The following GPC6 variants were observed in gnomAD, a reference collection of about 807,000 sequenced individuals.
GPC6 encodes glypican-6.
In GPC6, 14 loss-of-function variants were observed where a neutral mutation model predicts 55.2. The ratio of observed to expected loss-of-function variants is 0.25; its 90% CI spans 0.17 to 0.40. The LOEUF (loss-of-function observed/expected upper bound fraction) is 0.40. Among genes scored for constraint, GPC6 ranks in the 10% least tolerant of loss-of-function variants. GPC6 has a pLI of 1.00. For missense variants in GPC6, 641 were observed against 708.5 expected, an observed-to-expected ratio of 0.90 and a Z score of 1.08; for synonymous variants, 278 against 259.6, an observed-to-expected ratio of 1.07 and a Z score of -0.68.
At chr13:93,267,509 G>T (rs1367887159) in intron 1 of GPC6, among the ~76,000 whole-genome samples, 1 of 151,906 alleles carries the variant, frequency 6.6e-6, no homozygotes, top group Non-Finnish European at 1.5e-5. Flanking sequence ...CACTTTGCAT[G>T]CTAGAAGCTT....
chr13:93,774,450 T>C (rs1885398628), intron 2 of GPC6, among the ~76,000 whole-genome samples: 1 of 152,210 alleles, frequency 6.6e-6, no homozygotes, highest in African/African-American at 2.4e-5. Flanking sequence ...TAAGTTATGC[T>C]AATATTATGC....
At chr13:93,523,195 A>G (rs1166181523) in intron 1 of GPC6, among the ~76,000 whole-genome samples, 1 of 144,996 alleles carries the variant, frequency 6.9e-6, no homozygotes, top group Non-Finnish European at 1.5e-5. Flanking sequence ...ACATATATGG[A>G]TAATATTGTG....
intron 1 of GPC6, among the ~76,000 whole-genome samples, chr13:93,369,213 T>C (rs1881366565): frequency 6.6e-6 from 1 of 152,044 alleles, no homozygotes. Flanking sequence ...AAATGGTCTA[T>C]ATATTAATAT....
At chr13:93,960,475 G>T (rs376028946) in intron 3 of GPC6, among the ~76,000 whole-genome samples, 1 of 152,158 alleles carries the variant, frequency 6.6e-6, no homozygotes, top group African/African-American at 2.4e-5. Flanking sequence ...CTGCTAAAAT[G>T]TTCATAGGAT....
At chr13:93,334,746 C>T (rs1271886559) in intron 1 of GPC6, among the ~76,000 whole-genome samples, 1 of 152,150 alleles carries the variant, frequency 6.6e-6, no homozygotes, top group Admixed American at 6.6e-5. Context: ...CGATTGCAGG[C>T]GTGAGCCACT....
At chr13:93,583,961 A>G (rs1877068617) in intron 2 of GPC6, among the ~76,000 whole-genome samples, 2 of 152,324 alleles carry the variant, frequency 1.3e-5, no homozygotes, top group South Asian at 4.1e-4. Context: ...ATGTAAAATC[A>G]GGAGTGGTTC....
chr13:93,741,092 T>C (rs541775258), intron 2 of GPC6, among the ~76,000 whole-genome samples: 1 of 151,228 alleles, frequency 6.6e-6, no homozygotes, highest in South Asian at 2.1e-4. Flanking sequence ...TGAACTTTTG[T>C]AGTATACCGA....
At position 94,382,355 on chromosome 13, in the gene GPC6, G is replaced by A. The variant is rs1314345533; in HGVS notation, c.1153-59G>A. 6 of 1,596,544 alleles carry A rather than the reference G, an allele frequency of 3.8e-6. No individual in the cohort carries two copies. The African/African-American group carries it at 8.0e-5, about 21-fold the overall frequency. On this transcript the variant is annotated intron_variant, in intron 6 of 8. Transcript: ENST00000377047. ...AACCCTCGCCTGCGTACGTCCTTGT[G>A]TAGAAATGGGGAAAGCCTGAGCAGA...
intron 4 of GPC6, among the ~76,000 whole-genome samples, chr13:94,206,139 G>A (rs945656659): frequency 2.0e-5 from 3 of 151,900 alleles, no homozygotes; most frequent in African/African-American, 7.3e-5. Context: ...TAAGCTCCCT[G>A]GAAATTTATA....
intron 5 of GPC6, among the ~76,000 whole-genome samples, chr13:94,292,509 C>T (rs141553450): frequency 9.3e-4 from 141 of 152,216 alleles, no homozygotes; most frequent in Non-Finnish European, 3.5e-4. Flanking sequence ...TTCTCTTATC[C>T]AGCCCTGTCA....
At chr13:93,767,600 C>T (rs1885163345) in intron 2 of GPC6, among the ~76,000 whole-genome samples, 1 of 152,106 alleles carries the variant, frequency 6.6e-6, no homozygotes, top group African/African-American at 2.4e-5. Flanking sequence ...ATGGCAAACG[C>T]TTGCTCCAAT....
chr13:93,341,445 A>G (rs1173537897), intron 1 of GPC6, among the ~76,000 whole-genome samples: 2 of 152,136 alleles, frequency 1.3e-5, no homozygotes, highest in African/African-American at 4.8e-5. Context: ...CCATTCTTGC[A>G]CGAGTAAGGT....
At chr13:93,594,995 C>T (rs1877662657) in intron 2 of GPC6, among the ~76,000 whole-genome samples, 1 of 152,146 alleles carries the variant, frequency 6.6e-6, no homozygotes, top group East Asian at 1.9e-4. Context: ...ACATTCAGAC[C>T]ATAGCAACCA....
rs1301830585 is a variant in GPC6, at chr13:94,405,808, T to C, written c.*2591T>C. Reference sequence around the variant, plus strand: ...TCACAGTGTTAGCACCCTGCATGGATGTGGTCAAAATATCATTCAAGTTGT... The same window carrying C: ...TCACAGTGTTAGCACCCTGCATGGACGTGGTCAAAATATCATTCAAGTTGT... On this transcript the variant is annotated 3_prime_UTR_variant, in exon 9 of 9. Transcript: ENST00000377047. 6.6e-6 allele frequency: 1 copy of C among 152,152 alleles called. No individual in the cohort carries two copies. The highest frequency in any genetic ancestry group is 6.5e-5 in the Admixed American group (1 of 15,274). The allele number at this position is 152,152 out of a possible 1,614,324, so 9.4% of individuals were successfully genotyped here.
chr13:94,182,011 G>C (rs1889013252), intron 4 of GPC6, among the ~76,000 whole-genome samples: 1 of 152,176 alleles, frequency 6.6e-6, no homozygotes, highest in Non-Finnish European at 1.5e-5. Context: ...CATTAGGAGG[G>C]CAAGCATAAG....
chr13:93,905,204 A>G (rs1229625491), intron 3 of GPC6, among the ~76,000 whole-genome samples: 2 of 151,742 alleles, frequency 1.3e-5, no homozygotes, highest in African/African-American at 4.8e-5. Flanking sequence ...GTATGGTGGG[A>G]AAAAAGCACC....
intron 2 of GPC6, among the ~76,000 whole-genome samples, chr13:93,686,536 A>G (rs1882052985): frequency 6.6e-6 from 1 of 152,126 alleles, no homozygotes; most frequent in South Asian, 2.1e-4. Flanking sequence ...GGTTATTGGC[A>G]TATAATCTTG....
At chr13:94,176,328 A>G (rs532288973) in intron 4 of GPC6, among the ~76,000 whole-genome samples, 3 of 152,282 alleles carry the variant, frequency 2.0e-5, no homozygotes, top group African/African-American at 7.2e-5. Context: ...CTCTCCTGAG[A>G]CTATGGTGAT....
chr13:93,827,494 A>G (rs1377337202), intron 2 of GPC6, among the ~76,000 whole-genome samples: 4 of 152,200 alleles, frequency 2.6e-5, no homozygotes, highest in African/African-American at 9.7e-5. Flanking sequence ...TCTTAGATCA[A>G]TGTGCCTTGA....
Sources: gnomAD v4.1 joint callset for allele counts (sites outside exome capture counted in the v4.1 genomes callset) on GRCh38, gnomAD v4.1.1 for gene constraint, MANE v1.5 for transcripts, NCBI Gene and HGNC (gene_info 2026-07-23, HGNC 2026-07-21) for gene names.